CAPZA2: variants seen among roughly 807,000 people sequenced by gnomAD.
CAPZA2 encodes the protein capping actin protein of muscle Z-line subunit alpha 2.
CAPZA2 carries 13 observed loss-of-function variants against 44.0 expected under a neutral mutation model. The ratio of observed to expected loss-of-function variants is 0.30; its 90% CI spans 0.19 to 0.47. The LOEUF (loss-of-function observed/expected upper bound fraction) is 0.47, where lower values mean the gene tolerates loss of function less well. Among genes scored for constraint, CAPZA2 ranks in the 20% least tolerant of loss-of-function variants. CAPZA2 has a pLI of 1.00. For missense variants in CAPZA2, 244 were observed against 338.6 expected, an observed-to-expected ratio of 0.72 and a Z score of 2.19; for synonymous variants, 94 against 108.2, an observed-to-expected ratio of 0.87 and a Z score of 0.81.
At position 116,912,019 on chromosome 7, in the gene CAPZA2, G is replaced by A. The variant is rs765378281; in HGVS notation, c.586-50G>A. On this transcript the variant is annotated intron_variant, in intron 7 of 9. Coordinates refer to ENST00000361183, the MANE Select transcript of CAPZA2 (RefSeq NM_006136.3). ...TTGATATGCTTGTTGACGCAATAAG[G>A]TTCTTGATGATTCCTGTAATGTGGT... 3.0e-5 allele frequency: 48 copies of A among 1,605,698 alleles called. 1 individual carries two copies. The South Asian group carries it at 5.1e-4, about 17-fold the overall frequency.
At position 116,898,836 on chromosome 7, in the gene CAPZA2, G is replaced by A; in HGVS notation, c.219+1G>A. 6.4e-7 allele frequency: 1 copy of A among 1,558,878 alleles called. No individual in the cohort carries two copies. The highest frequency in any genetic ancestry group is 8.8e-7 in the Non-Finnish European group (1 of 1,133,496). ...AAAAATTGAAGGTTATGAAGATCAG[G>A]TATGTTTCATATAAACACTATTCTT... On this transcript the variant is annotated splice_donor_variant, in intron 4 of 9. Transcript: ENST00000361183. LOFTEE classifies it high-confidence loss of function.
At position 116,918,989 on chromosome 7, in the gene CAPZA2, T is replaced by G. The variant is rs1014496855; in HGVS notation, c.*1122T>G. 1 of 152,130 alleles carries G rather than the reference T, an allele frequency of 6.6e-6. No individual in the cohort carries two copies. Among genetic ancestry groups the G allele is most frequent in the African/African-American group, 2.4e-5 (1 of 41,454 alleles). 9.4% of individuals were successfully genotyped at this position (152,130 alleles called of 1,614,324 possible). A position where few individuals can be genotyped will look rare whatever the true frequency, so the allele number is the denominator to read the frequency against. On this transcript the variant is annotated 3_prime_UTR_variant, in exon 10 of 10. Coordinates refer to ENST00000361183, the MANE Select transcript of CAPZA2 (RefSeq NM_006136.3). ...TACCATAGGGAGTGAAGTGGAGTTA[T>G]GGTTTCATTCAATAGAGTATTGCTG... is the stretch of plus-strand genomic sequence containing the variant.
chr7:116,877,530 A>G (rs1240825056), intron 1 of CAPZA2, among the ~76,000 whole-genome samples: 1 of 152,218 alleles, frequency 6.6e-6, no homozygotes, highest in Non-Finnish European at 1.5e-5. Context: ...TGGCAGAAAG[A>G]TTGCAAAGGT....
At chr7:116,916,217 A>G (rs1256279492) in intron 9 of CAPZA2, 95 bp downstream of exon 9, 96 of 1,287,478 alleles carry the variant, frequency 7.5e-5, no homozygotes, top group Non-Finnish European at 9.5e-5. Flanking sequence ...TTTCCATTGC[A>G]TCAGTTAGAG....
intron 1 of CAPZA2, among the ~76,000 whole-genome samples, chr7:116,881,913 G>C (rs190363425): frequency 1.1e-4 from 16 of 150,822 alleles, no homozygotes; most frequent in Non-Finnish European, 1.5e-4. Flanking sequence ...TAACTCTTTT[G>C]AAGAGTACAG....
At position 116,906,268 on chromosome 7, in the gene CAPZA2, T is replaced by C. The variant is rs753922369; in HGVS notation, c.432T>C (p.Tyr144=). ...TTATTTTCTTTGCCAATAAGGTGTATGGCAAAAAAATAGATGGACAGCAAA... is the reference window on the plus strand; with the variant it reads ...TTATTTTCTTTGCCAATAAGGTGTACGGCAAAAAAATAGATGGACAGCAAA... ...EHYPNGVCTV[Y]GKKIDGQQTI... The change falls in exon 6 of 10, where the codon TAT becomes TAC. Residue 144 remains tyrosine (Y), a synonymous_variant. Transcript: ENST00000361183. 1.9e-6 allele frequency: 3 copies of C among 1,612,600 alleles called. No individual in the cohort carries two copies. Among genetic ancestry groups the C allele is most frequent in the South Asian group, 1.1e-5 (1 of 90,806 alleles).
At chr7:116,904,548 A>C in intron 5 of CAPZA2, 165 bp downstream of exon 5, 1 of 584,612 alleles carries the variant, frequency 1.7e-6, no homozygotes. Flanking sequence ...ATTCTGGATA[A>C]TAAATAGATA....
rs140426912 is a variant in CAPZA2, at chr7:116,887,158, G to A, written c.40-969G>A. Among the ~76,000 whole-genome samples, 555 of 151,900 alleles carry A rather than the reference G, an allele frequency of 3.7e-3. 2 individuals carry two copies. Among genetic ancestry groups the A allele is most frequent in the Non-Finnish European group, 5.7e-3 (389 of 67,976 alleles). ...CTTCATTTTATTTATGCCTAAATGC[G>A]TCTTGTCTTCACACATAGAAAATTT... On this transcript the variant is annotated intron_variant, in intron 1 of 9. Transcript: ENST00000361183.
chr7:116,884,368 CTG>C (rs202181787), intron 1 of CAPZA2, among the ~76,000 whole-genome samples: 1 of 92,082 alleles, frequency 1.1e-5, no homozygotes, highest in African/African-American at 3.5e-5. Flanking sequence ...CCCCAGAACT[CTG>C]TTTCTTTTTC....
intron 6 of CAPZA2, among the ~76,000 whole-genome samples, chr7:116,907,148 C>T (rs10155914): frequency 3.9e-4 from 60 of 152,280 alleles, no homozygotes; most frequent in African/African-American, 1.3e-3. Context: ...AACAGGTAAC[C>T]CCTGTGGGCC....
At chr7:116,915,006 G>A (rs114851449) in intron 8 of CAPZA2, among the ~76,000 whole-genome samples, 219 of 152,146 alleles carry the variant, frequency 1.4e-3, no homozygotes, top group African/African-American at 4.2e-3. Flanking sequence ...GGATGGGTGC[G>A]GTGGCTCACG....
intron 1 of CAPZA2, among the ~76,000 whole-genome samples, chr7:116,864,356 T>A (rs756857697): frequency 6.6e-6 from 1 of 152,170 alleles, no homozygotes; most frequent in Non-Finnish European, 1.5e-5. Flanking sequence ...GATGCCTTAT[T>A]ATCTGGCACT....
chr7:116,903,882 C>A (rs929029540), intron 4 of CAPZA2, among the ~76,000 whole-genome samples: 11 of 152,116 alleles, frequency 7.2e-5, no homozygotes, highest in Admixed American at 3.3e-4. Flanking sequence ...GTTCTCAAAG[C>A]AGAAAACCCA....
intron 1 of CAPZA2, among the ~76,000 whole-genome samples, chr7:116,882,548 G>A (rs1461048171): frequency 6.6e-6 from 1 of 151,924 alleles, no homozygotes; most frequent in Non-Finnish European, 1.5e-5. Context: ...ACAGTAATAC[G>A]TTTGTATTGT....
intron 3 of CAPZA2, among the ~76,000 whole-genome samples, chr7:116,894,145 C>T (rs998026642): frequency 3.3e-5 from 5 of 152,110 alleles, no homozygotes; most frequent in Non-Finnish European, 5.9e-5. Flanking sequence ...AGGCGGATTA[C>T]GAGGTCAAGA....
intron 1 of CAPZA2, among the ~76,000 whole-genome samples, chr7:116,867,312 G>C (rs890279721): frequency 6.6e-6 from 1 of 152,128 alleles, no homozygotes; most frequent in African/African-American, 2.4e-5. Context: ...ATTTGCCACT[G>C]TTAGGCTTTT....
At chr7:116,878,715 G>A (rs1796652022) in intron 1 of CAPZA2, among the ~76,000 whole-genome samples, 1 of 152,136 alleles carries the variant, frequency 6.6e-6, no homozygotes, top group South Asian at 2.1e-4. Context: ...TTGATGTATG[G>A]GAAGTGAATG....
chr7:116,871,941 C>G (rs897302367), intron 1 of CAPZA2, among the ~76,000 whole-genome samples: 2 of 152,170 alleles, frequency 1.3e-5, no homozygotes, highest in Non-Finnish European at 2.9e-5. Context: ...AAAATGAACG[C>G]ACAGGCTCCT....
Position 116,917,958 on chromosome 7 carries a change from T to TAG in CAPZA2, c.*91_*92insAG. On this transcript the variant is annotated 3_prime_UTR_variant, in exon 10 of 10. Transcript: ENST00000361183. ...TGAACTGTCAAGCTGCCCAGTCAGATGGGCTGTTGCCATTTAAAATCACTG... is the reference window on the plus strand; with the variant it reads ...TGAACTGTCAAGCTGCCCAGTCAGATAGGGGCTGTTGCCATTTAAAATCACTG... 1.0e-6 allele frequency: 1 copy of TAG among 985,850 alleles called. No individual in the cohort carries two copies. Among genetic ancestry groups the TAG allele is most frequent in the Non-Finnish European group, 1.6e-6 (1 of 634,124 alleles). The allele number at this position is 985,850 out of a possible 1,614,324, so 61.1% of individuals were successfully genotyped here. A position where few individuals can be genotyped will look rare whatever the true frequency, so the allele number is the denominator to read the frequency against.
Sources: allele counts gnomAD v4.1 joint callset (sites outside exome capture counted in the v4.1 genomes callset), GRCh38; gene constraint gnomAD v4.1.1; transcripts MANE v1.5; gene names NCBI Gene and HGNC (gene_info 2026-07-23, HGNC 2026-07-21).